The following C1orf21 variants were observed in gnomAD, a reference collection of about 807,000 sequenced individuals.
C1orf21 encodes chromosome 1 open reading frame 21.
A neutral mutation model predicts 18.7 loss-of-function variants in C1orf21; 3 were observed. That is an observed-to-expected ratio of 0.16 (90% CI 0.07 to 0.42). C1orf21 has a LOEUF of 0.42. C1orf21 is among the 10% of genes least tolerant of loss of function. The pLI, the probability that C1orf21 is intolerant of heterozygous loss-of-function variation, is 0.99. For missense variants in C1orf21, 104 were observed against 143.6 expected (o/e 0.72, Z 1.41); for synonymous variants, 41 against 46.4 (o/e 0.88, Z 0.47).
At position 184,495,917 on chromosome 1, in the gene C1orf21, C is replaced by CAA. The variant is rs764285547; in HGVS notation, c.95-11649_95-11648dup. The stretch of plus-strand genomic sequence containing the variant: ...TGGGTGACAGAGTGAGACTCTGTCT[C>CAA]AAAAAAAAAAAAAAAAAAAAAAAGA... On this transcript the variant is annotated intron_variant, in intron 2 of 5. Transcript: ENST00000235307. Among the ~76,000 whole-genome samples, 232 of 49,124 alleles carry CAA rather than the reference C, an allele frequency of 4.7e-3. 1 individual carries two copies. The highest frequency in any genetic ancestry group is 0.01 in the Middle Eastern group (1 of 100). 32.2% of individuals were successfully genotyped at this position (49,124 alleles called of 152,430 possible). A position where few individuals can be genotyped will look rare whatever the true frequency, so the allele number is the denominator to read the frequency against.
chr1:184,396,477 G>A (rs560496355), intron 1 of C1orf21, among the ~76,000 whole-genome samples: 1 of 152,266 alleles, frequency 6.6e-6, no homozygotes, highest in Non-Finnish European at 1.5e-5. Flanking sequence ...ATTTCTGGTT[G>A]GATTATACTC....
chr1:184,607,651 A>G (rs991091804), intron 5 of C1orf21, among the ~76,000 whole-genome samples: 3 of 151,318 alleles, frequency 2.0e-5, no homozygotes, highest in African/African-American at 7.3e-5. Flanking sequence ...ATGTGTGTGT[A>G]TATATACATA....
intron 3 of C1orf21, among the ~76,000 whole-genome samples, chr1:184,537,042 G>A (rs771590184): frequency 2.0e-5 from 3 of 151,918 alleles, no homozygotes; most frequent in South Asian, 2.1e-4. Context: ...GGTTATATAC[G>A]GGCTATGCAA....
chr1:184,456,668 CT>C (rs1657203238), intron 1 of C1orf21, among the ~76,000 whole-genome samples: 1 of 152,142 alleles, frequency 6.6e-6, no homozygotes, highest in Admixed American at 6.5e-5. Context: ...TTCATGTTAA[CT>C]TTCACCAATA....
chr1:184,574,097 C>T lies in C1orf21; in HGVS notation c.190-16642C>T, dbSNP rs370205495. 2.2e-3 allele frequency among the ~76,000 whole-genome samples: 336 copies of T among 152,086 alleles called. 1 individual carries two copies. Among genetic ancestry groups the T allele is most frequent in the African/African-American group, 7.7e-3 (321 of 41,498 alleles). On this transcript the variant is annotated intron_variant, in intron 3 of 5. Coordinates refer to ENST00000235307, the MANE Select transcript of C1orf21 (RefSeq NM_030806.4). ...GTACACGCCTGTAATCCCAGCTACTCGGGAGGCTGATACAGGAGAATCGCT... is the reference window on the plus strand; with the variant it reads ...GTACACGCCTGTAATCCCAGCTACTTGGGAGGCTGATACAGGAGAATCGCT...
In C1orf21 at chr1:184,477,453, C is replaced by T; in HGVS notation, c.-57C>T. ...TTGTGTTTAAAGAAAAAAAATGTCC[C>T]TGTGTCTGTAGAGATGATTTGCAGT... On this transcript the variant is annotated 5_prime_UTR_variant, in exon 2 of 6. Transcript: ENST00000235307. The T allele has an allele frequency of 6.9e-7, 1 of 1,442,606 alleles. No homozygotes were observed. Among genetic ancestry groups the T allele is most frequent in the Non-Finnish European group, 9.6e-7 (1 of 1,041,936 alleles). 89.4% of individuals were successfully genotyped at this position (1,442,606 alleles called of 1,614,324 possible). A position where few individuals can be genotyped will look rare whatever the true frequency, so the allele number is the denominator to read the frequency against.
intron 3 of C1orf21, among the ~76,000 whole-genome samples, chr1:184,557,176 A>T (rs962179125): frequency 6.6e-6 from 1 of 152,164 alleles, no homozygotes; most frequent in African/African-American, 2.4e-5. Context: ...TGTGGGGGTC[A>T]TGAACTGTGC....
intron 2 of C1orf21, among the ~76,000 whole-genome samples, chr1:184,496,463 C>CA (rs1218588825): frequency 6.6e-6 from 1 of 152,214 alleles, no homozygotes; most frequent in African/African-American, 2.4e-5. Context: ...ACACCTCTCT[C>CA]AGATCCAGTG....
intron 3 of C1orf21, among the ~76,000 whole-genome samples, chr1:184,584,133 CT>C (rs386368968): frequency 1.1e-3 from 121 of 113,228 alleles, no homozygotes; most frequent in Middle Eastern, 5.4e-3. Context: ...TGTTCTTCTT[CT>C]TTTTTTTTTT....
intron 3 of C1orf21, among the ~76,000 whole-genome samples, chr1:184,519,114 T>A (rs1276683429): frequency 6.6e-6 from 1 of 152,168 alleles, no homozygotes; most frequent in Non-Finnish European, 1.5e-5. Flanking sequence ...ACAGAATAAA[T>A]AGAACAGACC....
intron 5 of C1orf21, among the ~76,000 whole-genome samples, chr1:184,599,123 C>T (rs927689113): frequency 6.6e-6 from 1 of 152,112 alleles, no homozygotes; most frequent in Non-Finnish European, 1.5e-5. Flanking sequence ...AGTTTACATA[C>T]TTACAGAATT....
chr1:184,566,011 G>A (rs1209165946), intron 3 of C1orf21, among the ~76,000 whole-genome samples: 1 of 152,180 alleles, frequency 6.6e-6, no homozygotes, highest in East Asian at 1.9e-4. Flanking sequence ...GGAAGCTTAG[G>A]GGAGGATGGG....
intron 3 of C1orf21, 91 bp downstream of exon 3, chr1:184,507,773 T>C (rs1459399772): frequency 2.1e-6 from 2 of 975,178 alleles, no homozygotes; most frequent in Non-Finnish European, 3.0e-6. Flanking sequence ...ACTTACACAC[T>C]GGCACAAGAT....
At chr1:184,438,073 G>A (rs1374971648) in intron 1 of C1orf21, among the ~76,000 whole-genome samples, 2 of 152,158 alleles carry the variant, frequency 1.3e-5, no homozygotes, top group African/African-American at 4.8e-5. Context: ...CTCACCTGCT[G>A]TGGGGCTTGG....
chr1:184,431,135 A>T (rs903734884), intron 1 of C1orf21, among the ~76,000 whole-genome samples: 2 of 152,142 alleles, frequency 1.3e-5, no homozygotes, highest in African/African-American at 4.8e-5. Context: ...TTTCATATGG[A>T]ACCAAAAAAG....
intron 2 of C1orf21, among the ~76,000 whole-genome samples, chr1:184,504,452 AG>A (rs1318117626): frequency 6.6e-6 from 1 of 152,124 alleles, no homozygotes; most frequent in Non-Finnish European, 1.5e-5. Flanking sequence ...CTTCAACAAA[AG>A]GAAAACTGGA....
chr1:184,572,114 G>A (rs184284843), intron 3 of C1orf21, among the ~76,000 whole-genome samples: 15 of 152,300 alleles, frequency 9.8e-5, no homozygotes, highest in Admixed American at 7.8e-4. Flanking sequence ...TGGGAGGGGT[G>A]CTGTCAATGA....
chr1:184,460,629 T>G (rs994887294), intron 1 of C1orf21, among the ~76,000 whole-genome samples: 449 of 43,270 alleles, frequency 0.01, 4 homozygotes, highest in Middle Eastern at 0.069. Flanking sequence ...CGTCTTCTTC[T>G]TCTTCTTCTT....
intron 4 of C1orf21, among the ~76,000 whole-genome samples, chr1:184,597,842 T>C (rs1659537240): frequency 6.6e-6 from 1 of 152,118 alleles, no homozygotes. Context: ...CACGTTCCAG[T>C]GGAATTGTGT....
Sources: gnomAD v4.1 joint callset for allele counts (sites outside exome capture counted in the v4.1 genomes callset) on GRCh38, gnomAD v4.1.1 for gene constraint, MANE v1.5 for transcripts, NCBI Gene and HGNC (gene_info 2026-07-23, HGNC 2026-07-21) for gene names.